PAH: variants seen among roughly 807,000 people sequenced by gnomAD.
PAH encodes the protein phenylalanine hydroxylase.
A neutral mutation model predicts 62.0 loss-of-function variants in PAH; 64 were observed. The ratio of observed to expected loss-of-function variants is 1.03; its 90% CI spans 0.84 to 1.27. The LOEUF is 1.27. Among genes scored for constraint, PAH ranks in the 50% most tolerant of loss-of-function variants. The probability of loss-of-function intolerance (pLI) is 0.00; values close to 1 mark genes in which losing one functional copy is unlikely to be tolerated. For synonymous variants in PAH, 195 were observed against 196.2 expected (o/e 0.99, Z 0.05); for missense variants, 579 against 542.8 (o/e 1.07, Z -0.66).
chr12:102,926,485 C>T (rs534219631), intron 1 of PAH, among the ~76,000 whole-genome samples: 1 of 152,018 alleles, frequency 6.6e-6, no homozygotes, highest in East Asian at 1.9e-4. Flanking sequence ...ACGACAAATT[C>T]ATGTAACTGG....
upstream of PAH, among the ~76,000 whole-genome samples, chr12:102,918,577 T>G (rs1051733555): frequency 2.4e-3 from 363 of 152,038 alleles, 2 homozygotes; most frequent in African/African-American, 8.1e-3. Context: ...TTTGTTTTTT[T>G]TTTTTGTTTT....
At chr12:102,921,627 T>C (rs1878553845), upstream of PAH, among the ~76,000 whole-genome samples, 1 of 152,232 alleles carries the variant, frequency 6.6e-6, no homozygotes, top group Non-Finnish European at 1.5e-5. Context: ...GGTGCTCTTC[T>C]CTCTAGCATC....
At chr12:102,915,548 G>A (rs1336182735) in intron 1 of PAH, among the ~76,000 whole-genome samples, 4 of 152,176 alleles carry the variant, frequency 2.6e-5, no homozygotes, top group Admixed American at 1.3e-4. Flanking sequence ...CAGACAGTTA[G>A]TCAATAGCAC....
At chr12:102,922,322 T>A (rs1878570277) in intron 1 of PAH, among the ~76,000 whole-genome samples, 1 of 151,950 alleles carries the variant, frequency 6.6e-6, no homozygotes, top group African/African-American at 2.4e-5. Context: ...GCATCCTTAG[T>A]AGCTGGGTCT....
At chr12:102,919,734 A>C (rs1026384857), upstream of PAH, among the ~76,000 whole-genome samples, 1 of 152,204 alleles carries the variant, frequency 6.6e-6, no homozygotes, top group Non-Finnish European at 1.5e-5. Context: ...TTCATTTGAC[A>C]TAATGACCTC....
At chr12:102,892,209 A>C (rs1877306490) in intron 3 of PAH, among the ~76,000 whole-genome samples, 1 of 152,148 alleles carries the variant, frequency 6.6e-6, no homozygotes, top group Non-Finnish European at 1.5e-5. Context: ...GTCTCCTAGA[A>C]AGGCCATGGA....
intron 2 of PAH, among the ~76,000 whole-genome samples, chr12:102,900,137 C>T (rs1877693230): frequency 6.7e-6 from 1 of 149,372 alleles, no homozygotes; most frequent in Non-Finnish European, 1.5e-5. Context: ...GCAAGCTCCG[C>T]CTCCCAGGTT....
intron 5 of PAH, among the ~76,000 whole-genome samples, chr12:102,866,083 G>GGAAA (rs1555205592): frequency 1.4e-3 from 200 of 144,918 alleles, no homozygotes; most frequent in Middle Eastern, 7.2e-3. Context: ...CCCCAGACAG[G>GGAAA]AAAAAAAAAA....
intron 5 of PAH, among the ~76,000 whole-genome samples, chr12:102,856,551 A>AC (rs1447875005): frequency 6.6e-6 from 1 of 152,074 alleles, no homozygotes; most frequent in African/African-American, 2.4e-5. Context: ...TGAGTCCCTG[A>AC]CCCCCGAGTA....
chr12:102,845,263 A>C (rs1354686321), intron 9 of PAH, among the ~76,000 whole-genome samples: 2 of 152,146 alleles, frequency 1.3e-5, no homozygotes, highest in Non-Finnish European at 2.9e-5. Context: ...AAGAAGCCCC[A>C]AAAGGAGGCT....
At chr12:102,923,025 A>G (rs546643559) in intron 1 of PAH, among the ~76,000 whole-genome samples, 2 of 152,234 alleles carry the variant, frequency 1.3e-5, no homozygotes, top group East Asian at 3.8e-4. Context: ...CACTTTCCCT[A>G]TAGTTTTCAA....
chr12:102,917,276 C>T (rs999762054), upstream of PAH: 16 of 724,546 alleles, frequency 2.2e-5, no homozygotes, highest in Admixed American at 6.1e-5. Flanking sequence ...GGTGCATCTC[C>T]GCACAGTAAC....
intron 5 of PAH, among the ~76,000 whole-genome samples, chr12:102,864,952 G>T (rs1042015918): frequency 6.6e-6 from 1 of 152,122 alleles, no homozygotes; most frequent in African/African-American, 2.4e-5. Context: ...TTTTAAAAAG[G>T]CGAGCCCTTT....
chr12:102,848,693 C>T (rs1351192464), intron 8 of PAH, among the ~76,000 whole-genome samples: 1 of 151,024 alleles, frequency 6.6e-6, no homozygotes, highest in Non-Finnish European at 1.5e-5. Context: ...AGACAGGACA[C>T]CAGGACACTG....
chr12:102,887,568 G>C (rs1215220616), intron 3 of PAH, among the ~76,000 whole-genome samples: 2 of 152,042 alleles, frequency 1.3e-5, no homozygotes, highest in Non-Finnish European at 2.9e-5. Flanking sequence ...ATCATAGAGA[G>C]CTCTCCCTAT....
At chr12:102,861,683 G>C (rs983390455) in intron 5 of PAH, among the ~76,000 whole-genome samples, 12 of 152,090 alleles carry the variant, frequency 7.9e-5, no homozygotes, top group Non-Finnish European at 1.5e-4. Context: ...CCTTTATAGG[G>C]ACATGGGTGA....
chr12:102,858,659 A>T (rs1168891003), intron 5 of PAH, among the ~76,000 whole-genome samples: 1 of 152,206 alleles, frequency 6.6e-6, no homozygotes, highest in Non-Finnish European at 1.5e-5. Flanking sequence ...AGAGCTCAGG[A>T]TTAAGAAACT....
intron 3 of PAH, among the ~76,000 whole-genome samples, chr12:102,890,709 C>A (rs966746159): frequency 2.0e-5 from 3 of 152,168 alleles, no homozygotes; most frequent in African/African-American, 7.2e-5. Flanking sequence ...AGCGAGAAGC[C>A]CCATTAGGGA....
intron 5 of PAH, among the ~76,000 whole-genome samples, chr12:102,860,216 A>G (rs1375917613): frequency 6.6e-6 from 1 of 152,126 alleles, no homozygotes; most frequent in Non-Finnish European, 1.5e-5. Flanking sequence ...TCATGAGGGA[A>G]CTCCCATTCA....
Sources: gnomAD v4.1 joint callset for allele counts (sites outside exome capture counted in the v4.1 genomes callset) on GRCh38, gnomAD v4.1.1 for gene constraint, MANE v1.5 for transcripts, NCBI Gene and HGNC (gene_info 2026-07-23, HGNC 2026-07-21) for gene names.